KCNH4: variants seen among roughly 807,000 people sequenced by gnomAD.
KCNH4 encodes potassium voltage-gated channel subfamily H member 4.
Under a neutral mutation model 90.7 loss-of-function variants are expected in KCNH4, and 33 were observed. That is an observed-to-expected ratio of 0.36 (90% CI 0.28 to 0.49). The LOEUF (loss-of-function observed/expected upper bound fraction) is 0.49. KCNH4 is among the 20% of genes least tolerant of loss of function. KCNH4 has a pLI of 0.98. For missense variants in KCNH4, 1,044 were observed against 1,387.1 expected (o/e 0.75, Z 3.93); for synonymous variants, 551 against 581.7 (o/e 0.95, Z 0.76).
chr17:42,171,773 G>T lies in KCNH4; in HGVS notation c.1195+15C>A. The T allele has an allele frequency of 6.2e-7, 1 of 1,613,860 alleles. No homozygotes were observed. Among genetic ancestry groups the T allele is most frequent in the Non-Finnish European group, 8.5e-7 (1 of 1,179,808 alleles). On this transcript the variant is annotated intron_variant, in intron 7 of 16. Transcript: ENST00000264661. ...TGGACAGGTGGTCTGTGAAAGTTTG[G>T]GGTCGGTGGCTCACCAATGTCCCAG...
At position 42,170,309 on chromosome 17, in the gene KCNH4, G is replaced by A. The variant is rs999293158; in HGVS notation, c.1196-8C>T. ...CCAACTCATGCAACCAGCCTGCAGG[G>A]TGGACGGATGCAGGGAGCCCTGGCT... On this transcript the variant is annotated splice_region_variant and splice_polypyrimidine_tract_variant and intron_variant, in intron 7 of 16. Transcript: ENST00000264661. 10 of 1,577,018 alleles carry A rather than the reference G, an allele frequency of 6.3e-6. No homozygotes were observed. The African/African-American group carries it at 6.8e-5, about 11-fold the overall frequency.
chr17:42,160,246 C>A lies in KCNH4; in HGVS notation c.2848G>T (p.Asp950Tyr), dbSNP rs769956090. ...CASRPPPSLQ[D>Y]TTLAEVHCPA... Reference sequence around the variant, plus strand: ...CAGTGAACTTCAGCAAGCGTAGTATCCTGGAGGCTGGGTGGTGGTCTGGAC... The same window carrying A: ...CAGTGAACTTCAGCAAGCGTAGTATACTGGAGGCTGGGTGGTGGTCTGGAC... The change falls in exon 16 of 17, where the codon GAT becomes TAT. Residue 950 changes from aspartate (D) to tyrosine (Y), a missense_variant. By Grantham distance (160) the Asp-to-Tyr change is radical. This residue lies in a region of KCNH4 where 441 missense variants were observed against 512.3 expected (regional missense o/e 0.86). Transcript: ENST00000264661. 3 of 1,614,110 alleles carry A rather than the reference C, an allele frequency of 1.9e-6. No homozygotes were observed. The highest frequency in any genetic ancestry group is 1.1e-5 in the South Asian group (1 of 91,082).
At chr17:42,179,683 G>A (rs2079887907) in intron 1 of KCNH4, among the ~76,000 whole-genome samples, 1 of 152,236 alleles carries the variant, frequency 6.6e-6, no homozygotes, top group African/African-American at 2.4e-5. Context: ...TCTCCTTAGT[G>A]TGGGGGCAGA....
chr17:42,167,735 T>C (rs2079797884), intron 9 of KCNH4, among the ~76,000 whole-genome samples: 1 of 152,176 alleles, frequency 6.6e-6, no homozygotes, highest in African/African-American at 2.4e-5. Flanking sequence ...TGGGAGTCAC[T>C]CTGAGCTCCT....
chr17:42,173,539 A>AGT (rs2079841265), intron 6 of KCNH4, among the ~76,000 whole-genome samples: 1 of 152,006 alleles, frequency 6.6e-6, no homozygotes, highest in Non-Finnish European at 1.5e-5. Flanking sequence ...CAGCTCTGCC[A>AGT]GTGCCTGCTC....
intron 16 of KCNH4, among the ~76,000 whole-genome samples, chr17:42,159,162 C>T (rs2079728315): frequency 6.6e-6 from 1 of 151,886 alleles, no homozygotes; most frequent in African/African-American, 2.4e-5. Context: ...CGAGTAGCTG[C>T]GATTACAGGC....
intron 4 of KCNH4, among the ~76,000 whole-genome samples, chr17:42,177,119 G>T (rs963297414): frequency 6.6e-6 from 1 of 151,478 alleles, no homozygotes; most frequent in Non-Finnish European, 1.5e-5. Flanking sequence ...GTGCAATCTC[G>T]GCTCACCGCA....
chr17:42,162,605 T>G lies in KCNH4; in HGVS notation c.2585-284A>C, dbSNP rs536675898. Among the ~76,000 whole-genome samples, 5 of 152,088 alleles carry G rather than the reference T, an allele frequency of 3.3e-5. No individual in the cohort carries two copies. In the East Asian group the frequency reaches 7.7e-4, roughly 24 times the overall value. Reference sequence around the variant, plus strand: ...CCTTTCAACAATTGTTTTTGTTTTTTTTTTTGAGATGGGGTCTCACTCTGT... The same window carrying G: ...CCTTTCAACAATTGTTTTTGTTTTTGTTTTTGAGATGGGGTCTCACTCTGT... On this transcript the variant is annotated intron_variant, in intron 14 of 16. Transcript: ENST00000264661.
chr17:42,160,337 T>C lies in KCNH4; in HGVS notation c.2757A>G (p.Ala919=), dbSNP rs375831329. 6.8e-6 allele frequency: 11 copies of C among 1,613,980 alleles called. No individual in the cohort carries two copies. In the African/African-American group the frequency reaches 1.1e-4, roughly 16 times the overall value. The change falls in exon 16 of 17, where the codon GCA becomes GCG. Residue 919 remains alanine, a synonymous_variant. Transcript: ENST00000264661. ...QARLGPPGHP[A]GSAWTPDPPC... ...GAGGGTCTGGGGTCCAAGCGGAGCC[T>C]GCTGGGTGGCCTGGGGGACCCAGCC...
chr17:42,168,759 TTTTTTTATTTTTA>T (rs1309847740), intron 9 of KCNH4, among the ~76,000 whole-genome samples: 1 of 138,724 alleles, frequency 7.2e-6, no homozygotes, highest in Non-Finnish European at 1.5e-5. Flanking sequence ...TATTTATTTA[TTTTTTTATTTTTA>T]TTTTTATTTT....
chr17:42,165,772 A>T lies in KCNH4; in HGVS notation c.1841-79T>A, dbSNP rs73313608. The T allele has an allele frequency of 5.9e-3, 9,108 of 1,542,638 alleles. 182 individuals are homozygous for T. Among genetic ancestry groups the T allele is most frequent in the African/African-American group, 0.051 (3,789 of 73,590 alleles). ...CAGCTGGAGGTGCTCAGTGGATTTG[A>T]GGGGTGGTCAGTGTGTTTGAAGGAT... is the stretch of plus-strand genomic sequence containing the variant. On this transcript the variant is annotated intron_variant, in intron 10 of 16. Transcript: ENST00000264661.
chr17:42,162,449 T>C (rs771258283), intron 14 of KCNH4, 128 bp from the exon 15 acceptor site: 2 of 705,614 alleles, frequency 2.8e-6, no homozygotes, highest in Non-Finnish European at 4.7e-6. Context: ...GTCTGTAAGA[T>C]GGGAAACCTA....
intron 16 of KCNH4, among the ~76,000 whole-genome samples, chr17:42,157,977 T>C (rs2079720191): frequency 6.6e-6 from 1 of 151,900 alleles, no homozygotes; most frequent in Non-Finnish European, 1.5e-5. Context: ...TGCCCAGACT[T>C]GAGAGCAATG....
chr17:42,174,500 G>A (rs529530705), intron 6 of KCNH4, among the ~76,000 whole-genome samples: 28 of 152,152 alleles, frequency 1.8e-4, no homozygotes, highest in Admixed American at 1.4e-3. Context: ...CGAGGCAGAC[G>A]TACACACATG....
intron 6 of KCNH4, among the ~76,000 whole-genome samples, chr17:42,172,468 G>A (rs917900708): frequency 6.0e-5 from 9 of 151,022 alleles, no homozygotes; most frequent in South Asian, 2.1e-4. Flanking sequence ...CACTGCACCC[G>A]GCCTTAGTAA....
At chr17:42,177,610 G>A (rs1035604737) in intron 4 of KCNH4, among the ~76,000 whole-genome samples, 1 of 152,190 alleles carries the variant, frequency 6.6e-6, no homozygotes, top group African/African-American at 2.4e-5. Flanking sequence ...GCCCAGTGGG[G>A]GCTGGGTATA....
chr17:42,159,871 G>A lies in KCNH4; in HGVS notation c.*169C>T, dbSNP rs1391262704. ...GGGAGGTTGGGGAAGGCTTGGAAAAGGGAATAGCGTCAGAGGTAACCACGC... is the reference window on the plus strand; with the variant it reads ...GGGAGGTTGGGGAAGGCTTGGAAAAAGGAATAGCGTCAGAGGTAACCACGC... On this transcript the variant is annotated 3_prime_UTR_variant, in exon 16 of 17. Coordinates refer to ENST00000264661, the MANE Select transcript of KCNH4 (RefSeq NM_012285.3). 4 of 468,590 alleles carry A rather than the reference G, an allele frequency of 8.5e-6. No individual in the cohort carries two copies. In the East Asian group the frequency reaches 1.0e-4, roughly 12 times the overall value. The allele number at this position is 468,590 out of a possible 1,614,324, so 29.0% of individuals were successfully genotyped here. A position where few individuals can be genotyped will look rare whatever the true frequency, so the allele number is the denominator to read the frequency against.
At chr17:42,178,066 A>G (rs1436025277) in intron 4 of KCNH4, 34 bp downstream of exon 4, 1 of 1,601,800 alleles carries the variant, frequency 6.2e-7, no homozygotes, top group Non-Finnish European at 8.5e-7. Flanking sequence ...AGGCTGGAGG[A>G]CTTGGGAGAT....
In KCNH4 at chr17:42,178,944, T is replaced by C. The variant is rs1278495059; in HGVS notation, c.159A>G (p.Thr53=). 1 of 1,614,154 alleles carries C rather than the reference T, an allele frequency of 6.2e-7. No individual in the cohort carries two copies. The highest frequency in any genetic ancestry group is 1.1e-5 in the South Asian group (1 of 91,080). The part of the protein sequence containing the change: ...VYCSDGFCEL[T]GYGRTEVMQK... ...GCATGACCTCGGTGCGACCGTAGCC[T>C]GTGAGCTCGCAGAAGCCGTCGGAGC... The change falls in exon 2 of 17, where the codon ACA becomes ACG. Residue 53 remains threonine, a synonymous_variant. Coordinates refer to ENST00000264661, the MANE Select transcript of KCNH4 (RefSeq NM_012285.3).
Sources: gnomAD v4.1 joint callset for allele counts (sites outside exome capture counted in the v4.1 genomes callset) on GRCh38, gnomAD v4.1.1 for gene constraint, gnomAD v4.1.1 regional missense constraint, MANE v1.5 for transcripts, NCBI Gene and HGNC (gene_info 2026-07-23, HGNC 2026-07-21) for gene names.